The following INPP4B variants were observed in gnomAD, a reference collection of about 807,000 sequenced individuals.
INPP4B encodes inositol polyphosphate 4-phosphatase type II.
A neutral mutation model predicts 122.5 loss-of-function variants in INPP4B; 55 were observed. That is an observed-to-expected ratio of 0.45 (90% CI 0.36 to 0.56). The LOEUF is 0.56. INPP4B is among the 20% of genes least tolerant of loss of function. INPP4B has a pLI of 0.00. For missense variants in INPP4B, 1,000 were observed against 1,097.7 expected, an observed-to-expected ratio of 0.91 and a Z score of 1.26; for synonymous variants, 403 against 388.7, an observed-to-expected ratio of 1.04 and a Z score of -0.43.
intron 1 of INPP4B, among the ~76,000 whole-genome samples, chr4:142,756,598 T>C (rs1279627049): frequency 6.6e-6 from 1 of 151,962 alleles, no homozygotes; most frequent in Non-Finnish European, 1.5e-5. Context: ...TATTATAACT[T>C]AGAAAGGAAA....
rs77898772 is a variant in INPP4B at position 142,179,940 on chromosome 4, C to T, written c.1182-6131G>A. Among the ~76,000 whole-genome samples the T allele has an allele frequency of 3.0e-3, 459 of 152,144 alleles. 2 individuals are homozygous for T. The highest frequency in any genetic ancestry group is 0.01 in the African/African-American group (424 of 41,500). ...CATGTTGTCCCTATGGAGATAATAC[C>T]CAAACCTGGTCTCCTGATTCCTTCC... is the stretch of plus-strand genomic sequence containing the variant. On this transcript the variant is annotated intron_variant, in intron 15 of 25. Coordinates refer to ENST00000262992, the MANE Select transcript of INPP4B (RefSeq NM_001101669.3).
chr4:142,577,999 C>G (rs1734216727), intron 2 of INPP4B, among the ~76,000 whole-genome samples: 1 of 151,948 alleles, frequency 6.6e-6, no homozygotes, highest in Admixed American at 6.6e-5. Context: ...TGTCCTTCTG[C>G]CAATTTCTGT....
chr4:142,555,259 G>A (rs368319392), intron 2 of INPP4B, among the ~76,000 whole-genome samples: 7 of 152,106 alleles, frequency 4.6e-5, no homozygotes, highest in Admixed American at 1.3e-4. Context: ...CAGGTCACTC[G>A]GGCACACTGT....
intron 1 of INPP4B, among the ~76,000 whole-genome samples, chr4:142,760,614 C>A (rs1390068491): frequency 1.3e-5 from 2 of 151,970 alleles, no homozygotes; most frequent in African/African-American, 2.4e-5. Context: ...CTGGGAAAGT[C>A]ATGTTACATG....
At chr4:142,423,092 G>A (rs1196342611) in intron 5 of INPP4B, among the ~76,000 whole-genome samples, 1 of 151,998 alleles carries the variant, frequency 6.6e-6, no homozygotes, top group African/African-American at 2.4e-5. Flanking sequence ...TTCTCCCACT[G>A]GAGTTTTAAA....
intron 18 of INPP4B, among the ~76,000 whole-genome samples, chr4:142,142,205 G>A (rs1476863534): frequency 1.3e-5 from 2 of 151,984 alleles, no homozygotes; most frequent in African/African-American, 4.8e-5. Context: ...ATAAATTTGG[G>A]ACTATTGAAG....
intron 7 of INPP4B, among the ~76,000 whole-genome samples, chr4:142,361,593 C>T (rs1785417138): frequency 6.6e-6 from 1 of 151,888 alleles, no homozygotes; most frequent in Non-Finnish European, 1.5e-5. Flanking sequence ...CTTAAAGAGG[C>T]TTTCTCTAAT....
intron 23 of INPP4B, among the ~76,000 whole-genome samples, chr4:142,091,519 G>T (rs1454170767): frequency 2.0e-5 from 3 of 152,106 alleles, no homozygotes; most frequent in Non-Finnish European, 4.4e-5. Context: ...GCCTCAGAGG[G>T]GAAGCCTACT....
intron 7 of INPP4B, among the ~76,000 whole-genome samples, chr4:142,323,336 G>GT (rs1158299541): frequency 1.3e-5 from 2 of 151,930 alleles, no homozygotes; most frequent in Non-Finnish European, 2.9e-5. Flanking sequence ...AGAAGCTCTG[G>GT]TTTGGAAGAA....
chr4:142,262,160 A>T (rs1740379206), intron 10 of INPP4B, among the ~76,000 whole-genome samples: 1 of 152,156 alleles, frequency 6.6e-6, no homozygotes, highest in Admixed American at 6.5e-5. Flanking sequence ...TTTTTCATCA[A>T]CGTTATATTC....
chr4:142,323,529 T>C (rs1301723827), intron 7 of INPP4B, among the ~76,000 whole-genome samples: 1 of 147,492 alleles, frequency 6.8e-6, no homozygotes, highest in Non-Finnish European at 1.5e-5. Context: ...CACTGCAAGC[T>C]CTGCCTCTCG....
intron 12 of INPP4B, among the ~76,000 whole-genome samples, chr4:142,235,212 A>G (rs2322546): frequency 0.14 from 21,205 of 151,928 alleles, 1,764 homozygotes; most frequent in African/African-American, 0.23. Context: ...CCCAAGACAG[A>G]GGCACAAGAC....
intron 1 of INPP4B, among the ~76,000 whole-genome samples, chr4:142,745,817 A>C (rs954575960): frequency 6.6e-6 from 1 of 151,958 alleles, no homozygotes; most frequent in Non-Finnish European, 1.5e-5. Context: ...GACAAAATCT[A>C]TTTCAAGAAA....
At chr4:142,257,768 C>T (rs1737140018) in intron 11 of INPP4B, among the ~76,000 whole-genome samples, 1 of 152,080 alleles carries the variant, frequency 6.6e-6, no homozygotes, top group Non-Finnish European at 1.5e-5. Flanking sequence ...GTGAAAATGG[C>T]CATACTGCCC....
intron 2 of INPP4B, among the ~76,000 whole-genome samples, chr4:142,648,142 C>G (rs192354962): frequency 1.1e-4 from 17 of 152,354 alleles, no homozygotes; most frequent in Admixed American, 1.0e-3. Flanking sequence ...ACATTTGCCT[C>G]CACTGCAAGG....
chr4:142,223,372 C>A (rs574811126), intron 12 of INPP4B, among the ~76,000 whole-genome samples: 1 of 152,100 alleles, frequency 6.6e-6, no homozygotes, highest in African/African-American at 2.4e-5. Flanking sequence ...AACTATGTGC[C>A]AAGTAGTAGA....
intron 9 of INPP4B, among the ~76,000 whole-genome samples, chr4:142,297,087 C>G (rs1347083903): frequency 6.6e-6 from 1 of 152,180 alleles, no homozygotes; most frequent in Non-Finnish European, 1.5e-5. Flanking sequence ...TTGTGTTACA[C>G]TTATGAATTT....
intron 2 of INPP4B, among the ~76,000 whole-genome samples, chr4:142,664,039 T>C (rs769880359): frequency 2.2e-4 from 33 of 152,324 alleles, no homozygotes; most frequent in Middle Eastern, 6.8e-3. Context: ...TGAACTCGAT[T>C]TCATCTGAGG....
chr4:142,637,263 T>C (rs1749362143), intron 2 of INPP4B, among the ~76,000 whole-genome samples: 1 of 152,152 alleles, frequency 6.6e-6, no homozygotes. Context: ...GGTTTTGACA[T>C]ATGTATAATG....
Sources: allele counts gnomAD v4.1 joint callset (sites outside exome capture counted in the v4.1 genomes callset), GRCh38; gene constraint gnomAD v4.1.1; transcripts MANE v1.5; gene names NCBI Gene and HGNC (gene_info 2026-07-23, HGNC 2026-07-21).